RBM47: variants seen among roughly 807,000 people sequenced by gnomAD.
RBM47 encodes the protein RNA-binding protein 47.
In RBM47, 21 loss-of-function variants were observed where a neutral mutation model predicts 47.1. That is an observed-to-expected ratio of 0.45 (90% CI 0.32 to 0.64). The LOEUF is 0.64. Ranked by LOEUF, RBM47 falls within the 30% of genes least tolerant of loss-of-function variation. The probability of loss-of-function intolerance (pLI) is 0.05; values close to 1 mark genes in which losing one functional copy is unlikely to be tolerated. For missense variants in RBM47, 708 were observed against 870.9 expected (o/e 0.81, Z 2.35); for synonymous variants, 375 against 361.7 (o/e 1.04, Z -0.42).
intron 1 of RBM47, among the ~76,000 whole-genome samples, chr4:40,579,904 T>C (rs933611358): frequency 2.6e-5 from 4 of 152,038 alleles, no homozygotes; most frequent in Non-Finnish European, 5.9e-5. Flanking sequence ...CACACTACCA[T>C]GCCTGTCTAT....
chr4:40,509,075 G>C (rs1724516178), intron 2 of RBM47, among the ~76,000 whole-genome samples: 2 of 152,000 alleles, frequency 1.3e-5, no homozygotes, highest in Non-Finnish European at 2.9e-5. Flanking sequence ...CAGGAGAATT[G>C]CTTGAATCTG....
At chr4:40,553,791 G>A (rs1729803837) in intron 1 of RBM47, among the ~76,000 whole-genome samples, 1 of 152,074 alleles carries the variant, frequency 6.6e-6, no homozygotes. Flanking sequence ...AATCAAACCT[G>A]TTCCAAGACT....
chr4:40,529,515 CAAAAAAAAAAAAA>C (rs56381747), intron 2 of RBM47, among the ~76,000 whole-genome samples: 27 of 18,338 alleles, frequency 1.5e-3, no homozygotes, highest in African/African-American at 4.4e-3. Flanking sequence ...GACTCTGTCA[CAAAAAAAAAAAAA>C]AAAAAAAAAA....
intron 6 of RBM47, among the ~76,000 whole-genome samples, chr4:40,432,261 T>A (rs900151957): frequency 1.9e-4 from 28 of 151,340 alleles, no homozygotes; most frequent in Middle Eastern, 3.2e-3. Context: ...AACATTTTTT[T>A]AAAAAATCTT....
At chr4:40,459,678 C>T (rs1716814030) in intron 3 of RBM47, among the ~76,000 whole-genome samples, 1 of 152,196 alleles carries the variant, frequency 6.6e-6, no homozygotes, top group Admixed American at 6.5e-5. Context: ...TTCTGCATGG[C>T]CGAAAGGAGC....
At position 40,544,510 on chromosome 4, in the gene RBM47, T is replaced by G. The variant is rs1482710439; in HGVS notation, c.-239-4A>C. On this transcript the variant is annotated splice_region_variant and splice_polypyrimidine_tract_variant and intron_variant, in intron 1 of 6. Coordinates refer to ENST00000295971, the MANE Select transcript of RBM47 (RefSeq NM_001098634.2). ...TCCAAGGCCTCCGTTACCTGAGCTG[T>G]GAAATGAAAAAAATAACACTACTGA... 1.3e-5 allele frequency: 2 copies of G among 152,022 alleles called. No individual in the cohort carries two copies. The highest frequency in any genetic ancestry group is 4.8e-5 in the African/African-American group (2 of 41,394). 9.4% of individuals were successfully genotyped at this position (152,022 alleles called of 1,614,324 possible).
intron 1 of RBM47, among the ~76,000 whole-genome samples, chr4:40,578,822 A>C (rs1437688899): frequency 1.3e-5 from 2 of 152,246 alleles, no homozygotes; most frequent in Non-Finnish European, 2.9e-5. Context: ...GTAGGTGCTC[A>C]AAATGTGATA....
At chr4:40,617,792 G>T (rs182768607) in intron 1 of RBM47, among the ~76,000 whole-genome samples, 189 of 149,812 alleles carry the variant, frequency 1.3e-3, no homozygotes, top group African/African-American at 4.6e-3. Flanking sequence ...TTTAATGTTT[G>T]CCCCCAACCC....
chr4:40,543,091 C>T (rs1228828675), intron 2 of RBM47: 1 of 152,156 alleles, frequency 6.6e-6, no homozygotes, highest in African/African-American at 2.4e-5. Flanking sequence ...TGTACTATCA[C>T]CTATAGGGTC....
chr4:40,477,360 G>T (rs1188967845), intron 2 of RBM47, among the ~76,000 whole-genome samples: 1 of 152,172 alleles, frequency 6.6e-6, no homozygotes, highest in African/African-American at 2.4e-5. Context: ...ACAAGTCTAA[G>T]ATTATAACTA....
chr4:40,506,733 A>G (rs1450759244), intron 2 of RBM47, among the ~76,000 whole-genome samples: 1 of 152,150 alleles, frequency 6.6e-6, no homozygotes, highest in African/African-American at 2.4e-5. Context: ...AAACCAGTTG[A>G]TTCTACTTCT....
At chr4:40,552,751 A>C (rs1367230080) in intron 1 of RBM47, among the ~76,000 whole-genome samples, 2 of 151,964 alleles carry the variant, frequency 1.3e-5, no homozygotes, top group Non-Finnish European at 2.9e-5. Flanking sequence ...TTCTCCATCA[A>C]CCTCACAGTG....
intron 2 of RBM47, among the ~76,000 whole-genome samples, chr4:40,509,776 C>T (rs960411699): frequency 6.6e-6 from 1 of 151,964 alleles, no homozygotes; most frequent in African/African-American, 2.4e-5. Flanking sequence ...GTCCTAGCTA[C>T]TGCGGAGGCT....
chr4:40,438,097 A>C lies in RBM47; in HGVS notation c.797T>G (p.Phe266Cys), dbSNP rs775664182. The change falls in exon 4 of 7, where the codon TTC (phenylalanine) becomes TGC (cysteine). Residue 266 changes from phenylalanine (F) to cysteine (C), a missense_variant. Coordinates refer to ENST00000295971, the MANE Select transcript of RBM47 (RefSeq NM_001098634.2). ...CACGCAGCCGGGGTTGAACTGGCCG[A>C]AGCTCTTCTTGATGGTGTCCTCGGT... The part of the protein sequence containing the change: ...ETTEDTIKKS[F>C]GQFNPGCVER... 4.3e-6 allele frequency: 7 copies of C among 1,613,450 alleles called. No homozygotes were observed. In the South Asian group the frequency reaches 7.7e-5, roughly 18 times the overall value.
intron 2 of RBM47, among the ~76,000 whole-genome samples, chr4:40,480,430 T>C (rs1297446043): frequency 6.6e-6 from 1 of 152,196 alleles, no homozygotes; most frequent in Non-Finnish European, 1.5e-5. Context: ...ATAATCTTCT[T>C]TCTTTCCTCC....
At chr4:40,596,771 T>C (rs903086146) in intron 1 of RBM47, among the ~76,000 whole-genome samples, 2 of 152,020 alleles carry the variant, frequency 1.3e-5, no homozygotes, top group African/African-American at 2.4e-5. Flanking sequence ...TTGGGAAGGA[T>C]AATCACTGCA....
intron 6 of RBM47, among the ~76,000 whole-genome samples, chr4:40,430,006 A>C (rs1349161126): frequency 6.6e-6 from 1 of 151,960 alleles, no homozygotes; most frequent in Non-Finnish European, 1.5e-5. Flanking sequence ...CATCCTGGCT[A>C]ACAGGTGAAA....
chr4:40,627,255 CA>C (rs1737829613), intron 1 of RBM47, among the ~76,000 whole-genome samples: 1 of 150,006 alleles, frequency 6.7e-6, no homozygotes, highest in Non-Finnish European at 1.5e-5. Flanking sequence ...AAGTTTGGCA[CA>C]CAAATTCTAC....
chr4:40,514,263 C>T (rs1725299416), intron 2 of RBM47, among the ~76,000 whole-genome samples: 1 of 152,072 alleles, frequency 6.6e-6, no homozygotes, highest in Non-Finnish European at 1.5e-5. Context: ...TGTAAAATCT[C>T]AAGCACAAGT....
Sources: allele counts gnomAD v4.1 joint callset (sites outside exome capture counted in the v4.1 genomes callset), GRCh38; gene constraint gnomAD v4.1.1; transcripts MANE v1.5; gene names NCBI Gene and HGNC (gene_info 2026-07-23, HGNC 2026-07-21).